Variants in ITGB3 observed in about 807,000 individuals in gnomAD.
ITGB3 encodes integrin subunit beta 3.
ITGB3 carries 48 observed loss-of-function variants against 85.8 expected under a neutral mutation model. That is an observed-to-expected ratio of 0.56 (90% CI 0.44 to 0.71). ITGB3 has a LOEUF of 0.71. Among genes scored for constraint, ITGB3 ranks in the 30% least tolerant of loss-of-function variants. ITGB3 has a pLI of 0.00. For synonymous variants in ITGB3, 363 were observed against 395.6 expected, an observed-to-expected ratio of 0.92 and a Z score of 0.98; for missense variants, 861 against 1,019.1, an observed-to-expected ratio of 0.84 and a Z score of 2.11.
At chr17:47,289,181 G>A (rs1332820003) in intron 6 of ITGB3, among the ~76,000 whole-genome samples, 1 of 152,188 alleles carries the variant, frequency 6.6e-6, no homozygotes, top group African/African-American at 2.4e-5. Flanking sequence ...CTTGTGCACG[G>A]AAGCAGCTCC....
intron 9 of ITGB3, chr17:47,291,546 G>C (rs1407481929): frequency 1.0e-5 from 3 of 287,628 alleles, no homozygotes; most frequent in Non-Finnish European, 1.9e-5. Context: ...TGCCTAAGGG[G>C]AGAGGGGTTG....
chr17:47,304,015 C>T (rs1451868145), intron 13 of ITGB3, among the ~76,000 whole-genome samples: 1 of 152,044 alleles, frequency 6.6e-6, no homozygotes. Flanking sequence ...TCCCAGCCTC[C>T]CTGGGACTAC....
intron 1 of ITGB3, among the ~76,000 whole-genome samples, chr17:47,268,282 C>T (rs2065032646): frequency 6.6e-6 from 1 of 152,200 alleles, no homozygotes; most frequent in South Asian, 2.1e-4. Context: ...CATGTCCTCA[C>T]ATTTCAAAAC....
At chr17:47,295,785 G>A (rs2065143828) in intron 10 of ITGB3, among the ~76,000 whole-genome samples, 1 of 143,570 alleles carries the variant, frequency 7.0e-6, no homozygotes, top group African/African-American at 2.5e-5. Flanking sequence ...CGGGTGGGGG[G>A]GCAGCTCTGC....
At chr17:47,292,607 A>G in intron 10 of ITGB3, 39 bp downstream of exon 10, 2 of 1,593,108 alleles carry the variant, frequency 1.3e-6, no homozygotes, top group South Asian at 1.1e-5. Flanking sequence ...TGGAACCCAC[A>G]CCCCCTCATA....
chr17:47,279,304 C>T (rs1001421425), intron 2 of ITGB3, among the ~76,000 whole-genome samples: 1 of 150,556 alleles, frequency 6.6e-6, no homozygotes, highest in Non-Finnish European at 1.5e-5. Context: ...TTAATATCCA[C>T]CCCTCCCCCT....
Position 47,283,484 on chromosome 17 carries a change from G to C in ITGB3, c.296G>C (p.Gly99Ala). The C allele has an allele frequency of 6.2e-7, 1 of 1,614,232 alleles. No individual in the cohort carries two copies. The highest frequency in any genetic ancestry group is 8.5e-7 in the Non-Finnish European group (1 of 1,180,058). The stretch of plus-strand genomic sequence containing the variant: ...GAGGACAGGCCCCTCAGCGACAAGG[G>C]CTCTGGAGACAGCTCCCAGGTCACT... ...VLEDRPLSDK[G>A]SGDSSQVTQV... Residue 99 changes from glycine to alanine, a missense_variant, in exon 3 of 15, where the codon GGC (glycine) becomes GCC (alanine). Transcript: ENST00000559488.
intron 13 of ITGB3, among the ~76,000 whole-genome samples, chr17:47,305,077 G>T (rs1783340210): frequency 6.6e-6 from 1 of 152,148 alleles, no homozygotes; most frequent in African/African-American, 2.4e-5. Flanking sequence ...AGGACACATG[G>T]TTAACAGATT....
At chr17:47,279,234 T>G (rs1329947244) in intron 2 of ITGB3, among the ~76,000 whole-genome samples, 1 of 152,208 alleles carries the variant, frequency 6.6e-6, no homozygotes, top group Non-Finnish European at 1.5e-5. Flanking sequence ...GCCCTTCCCC[T>G]GGGTCTTGGC....
At chr17:47,296,840 T>C (rs2065147722) in intron 10 of ITGB3, among the ~76,000 whole-genome samples, 1 of 152,154 alleles carries the variant, frequency 6.6e-6, no homozygotes, top group African/African-American at 2.4e-5. Context: ...CACAGAGGAA[T>C]TGACAATCAC....
At position 47,290,937 on chromosome 17, in the gene ITGB3, T is replaced by A; in HGVS notation, c.1126-17T>A. 4 of 1,614,034 alleles carry A rather than the reference T, an allele frequency of 2.5e-6. No homozygotes were observed. Among genetic ancestry groups the A allele is most frequent in the Non-Finnish European group, 3.4e-6 (4 of 1,179,978 alleles). On this transcript the variant is annotated splice_polypyrimidine_tract_variant and intron_variant, in intron 8 of 14. Coordinates refer to ENST00000559488, the MANE Select transcript of ITGB3 (RefSeq NM_000212.3). The stretch of plus-strand genomic sequence containing the variant: ...TTCAGTTCAATTTCTTGTCTTCTTG[T>A]GCCCCTTTCTGCTCAGAAAATCCGT...
At chr17:47,271,501 A>T (rs181851031) in intron 1 of ITGB3, among the ~76,000 whole-genome samples, 1 of 152,342 alleles carries the variant, frequency 6.6e-6, no homozygotes, top group African/African-American at 2.4e-5. Context: ...TGAATTAGTG[A>T]ATAGATTGAA....
At chr17:47,288,709 A>G (rs2065113837) in intron 6 of ITGB3, among the ~76,000 whole-genome samples, 1 of 152,228 alleles carries the variant, frequency 6.6e-6, no homozygotes, top group Non-Finnish European at 1.5e-5. Context: ...CCAGACAATG[A>G]GTCAGCAACA....
At chr17:47,256,419 AGT>A in intron 1 of ITGB3, among the ~76,000 whole-genome samples, 1 of 152,234 alleles carries the variant, frequency 6.6e-6, no homozygotes. Flanking sequence ...TCTGAGAAGC[AGT>A]GTACAGTAGT....
chr17:47,304,153 C>G (rs1251532062), intron 13 of ITGB3, among the ~76,000 whole-genome samples: 1 of 152,194 alleles, frequency 6.6e-6, no homozygotes, highest in Non-Finnish European at 1.5e-5. Flanking sequence ...CAGCCCCCCG[C>G]AAAGTGTTGG....
chr17:47,289,488 A>T (rs1182823581), intron 6 of ITGB3, among the ~76,000 whole-genome samples, 193 bp from the exon 7 acceptor site: 1 of 152,078 alleles, frequency 6.6e-6, no homozygotes, highest in East Asian at 1.9e-4. Context: ...ACATCTGGCA[A>T]ATAAAAAAAA....
At position 47,292,432 on chromosome 17, in the gene ITGB3, G is replaced by A. The variant is rs2143113794; in HGVS notation, c.1554G>A (p.Gln518=). Residue 518 remains glutamine, a synonymous_variant, in exon 10 of 15, where the codon CAG becomes CAA. Transcript: ENST00000559488. ...ACGAATGCAGCCCCCGGGAGGGTCA[G>A]CCCGTCTGCAGCCAGCGGGGCGAGT... The part of the protein sequence containing the change: ...QQDECSPREG[Q]PVCSQRGECL... The A allele has an allele frequency of 1.2e-6, 2 of 1,610,058 alleles. No homozygotes were observed. Among genetic ancestry groups the A allele is most frequent in the Non-Finnish European group, 1.7e-6 (2 of 1,176,728 alleles).
At chr17:47,290,471 A>AGGAAGGAAGGAAGGAAGGAAGGAG in intron 8 of ITGB3, among the ~76,000 whole-genome samples, 197 bp downstream of exon 8, 1 of 150,430 alleles carries the variant, frequency 6.6e-6, no homozygotes, top group African/African-American at 2.4e-5. Flanking sequence ...GAAGGAAGGA[A>AGGAAGGAAGGAAGGAAGGAAGGAG]GAGAGAAAGA....
At position 47,299,303 on chromosome 17, in the gene ITGB3, T is replaced by C. The variant is rs1326560317; in HGVS notation, c.1691-5T>C. The C allele has an allele frequency of 6.2e-7, 1 of 1,613,620 alleles. No homozygotes were observed. Among genetic ancestry groups the C allele is most frequent in the Admixed American group, 1.7e-5 (1 of 60,034 alleles). On this transcript the variant is annotated splice_polypyrimidine_tract_variant and splice_region_variant and intron_variant, in intron 10 of 14. Transcript: ENST00000559488. This position sits in a 1 kb window ranked among gnomAD's most constrained non-coding sequence, Gnocchi z 5.1. ...GGTCCACCTTCCTGGGCTGTGTGTT[T>C]TCAGGCCATGGCCAGTGCAGCTGTG...
Sources: gnomAD v4.1 joint callset for allele counts (sites outside exome capture counted in the v4.1 genomes callset) on GRCh38, gnomAD v4.1.1 for gene constraint, Gnocchi (gnomAD v3.1) non-coding constraint, MANE v1.5 for transcripts, NCBI Gene and HGNC (gene_info 2026-07-23, HGNC 2026-07-21) for gene names.